The following STAG2 variants were observed in gnomAD, a reference collection of about 807,000 sequenced individuals.
STAG2 encodes cohesin subunit SA-2.
Under a neutral mutation model 108.1 loss-of-function variants are expected in STAG2, and 14 were observed. The ratio of observed to expected loss-of-function variants is 0.13; its 90% CI spans 0.09 to 0.20. The LOEUF (loss-of-function observed/expected upper bound fraction) is 0.20, where lower values mean the gene tolerates loss of function less well. Among genes scored for constraint, STAG2 ranks in the 10% least tolerant of loss-of-function variants. The pLI, the probability that STAG2 is intolerant of heterozygous loss-of-function variation, is 1.00. For missense variants in STAG2, 440 were observed against 940.9 expected, an observed-to-expected ratio of 0.47 and a Z score of 6.96; for synonymous variants, 307 against 302.7, an observed-to-expected ratio of 1.01 and a Z score of -0.15.
At chrX:124,100,345 TTAATTA>T (rs1355114461) in intron 34 of STAG2, among the ~76,000 whole-genome samples, 1 of 111,455 alleles carries the variant, frequency 9.0e-6, no homozygotes, top group Non-Finnish European at 1.9e-5. Flanking sequence ...GGTTCCTACT[TTAATTA>T]TATGTGAGGT....
chrX:123,969,131 A>G (rs1178950066), intron 1 of STAG2, among the ~76,000 whole-genome samples: 1 of 112,108 alleles, frequency 8.9e-6, no homozygotes, highest in Non-Finnish European at 1.9e-5. Flanking sequence ...TTGCTGCCTG[A>G]GGTCTATATT....
intron 30 of STAG2, among the ~76,000 whole-genome samples, chrX:124,089,888 C>T (rs999844524): frequency 6.3e-5 from 7 of 110,237 alleles, no homozygotes; most frequent in Middle Eastern, 4.8e-3. Flanking sequence ...CGACTGGGTG[C>T]GATGTCTCAC....
chrX:124,033,765 AAAAC>A (rs2057419997), intron 5 of STAG2, among the ~76,000 whole-genome samples: 1 of 111,545 alleles, frequency 9.0e-6, no homozygotes, highest in Non-Finnish European at 1.9e-5. Context: ...CCTGTCTAAA[AAAAC>A]AAACAAAAAC....
chrX:123,986,203 ATG>A (rs2055184977), intron 1 of STAG2, among the ~76,000 whole-genome samples: 1 of 107,139 alleles, frequency 9.3e-6, no homozygotes, highest in African/African-American at 3.4e-5. Flanking sequence ...ATATGTATAT[ATG>A]TGTGTATATA....
At chrX:123,981,513 G>A (rs980194197) in intron 1 of STAG2, among the ~76,000 whole-genome samples, 9 of 111,546 alleles carry the variant, frequency 8.1e-5, no homozygotes, top group African/African-American at 2.9e-4. Context: ...ATATTCCATT[G>A]TATGTATATA....
chrX:124,062,775 A>G (rs2058421317), intron 17 of STAG2, 127 bp from the exon 18 acceptor site: 1 of 464,662 alleles, frequency 2.2e-6, no homozygotes, highest in African/African-American at 2.5e-5. Context: ...AATGTTTTAT[A>G]GTGAAATTTT....
At chrX:123,995,864 T>C (rs1023496832) in intron 1 of STAG2, among the ~76,000 whole-genome samples, 18 of 112,196 alleles carry the variant, frequency 1.6e-4, no homozygotes, top group Admixed American at 1.3e-3. Flanking sequence ...GTTCAGATAG[T>C]GATTAATACT....
At chrX:123,969,723 G>T (rs1177392411) in intron 1 of STAG2, among the ~76,000 whole-genome samples, 2 of 109,339 alleles carry the variant, frequency 1.8e-5, no homozygotes, top group African/African-American at 6.6e-5. Flanking sequence ...TTGGCTCACT[G>T]CAACCTCCGC....
intron 1 of STAG2, among the ~76,000 whole-genome samples, chrX:124,019,052 CTTTTT>C (rs751161706): frequency 1.3e-5 from 1 of 79,900 alleles, no homozygotes; most frequent in Non-Finnish European, 2.3e-5. Context: ...ATTTAGCACT[CTTTTT>C]TTTTTTTTTT....
chrX:124,076,319 A>G lies in STAG2; in HGVS notation c.2534-13A>G. ...AAATACAAGATGCTTAATGTTTGGG[A>G]CTTTTTCTCCAGATGGTCAGCAAGA... is the stretch of plus-strand genomic sequence containing the variant. On this transcript the variant is annotated splice_polypyrimidine_tract_variant and intron_variant, in intron 25 of 34. Coordinates refer to ENST00000371145, the MANE Select transcript of STAG2 (RefSeq NM_001042750.2). 8.3e-7 allele frequency: 1 copy of G among 1,207,198 alleles called. No homozygotes were observed. Among genetic ancestry groups the G allele is most frequent in the South Asian group, 1.8e-5 (1 of 56,238 alleles).
At chrX:124,053,976 CAT>C (rs1400849988) in intron 13 of STAG2, among the ~76,000 whole-genome samples, 1 of 112,161 alleles carries the variant, frequency 8.9e-6, no homozygotes, top group Non-Finnish European at 1.9e-5. Flanking sequence ...CACTTACAAA[CAT>C]ATATATTAAA....
Position 124,102,260 on chromosome X carries a change from G to GA in STAG2, c.*1665dup. On this transcript the variant is annotated 3_prime_UTR_variant, in exon 35 of 35. Coordinates refer to ENST00000371145, the MANE Select transcript of STAG2 (RefSeq NM_001042750.2). ...GTTTTACACACCACTGCATTAACTA[G>GA]AACTGCTGAGAGGACTGTATATATG... is the stretch of plus-strand genomic sequence containing the variant. 6.3e-6 allele frequency: 1 copy of GA among 158,368 alleles called. No individual in the cohort carries two copies. Among genetic ancestry groups the GA allele is most frequent in the South Asian group, 3.2e-4 (1 of 3,112 alleles). The allele number at this position is 158,368 out of a possible 1,213,427, so 13.1% of individuals were successfully genotyped here.
chrX:124,039,692 G>C (rs2057646126), intron 6 of STAG2, among the ~76,000 whole-genome samples: 2 of 93,322 alleles, frequency 2.1e-5, no homozygotes, highest in African/African-American at 8.2e-5. Context: ...GTCTTTCTCT[G>C]TTGCCCAGGC....
intron 3 of STAG2, 37 bp from the exon 4 acceptor site, chrX:124,025,803 C>G: frequency 3.0e-6 from 3 of 1,000,614 alleles, no homozygotes; most frequent in Non-Finnish European, 4.1e-6. Flanking sequence ...ATATAAATTT[C>G]TAAGGAAGGG....
intron 5 of STAG2, among the ~76,000 whole-genome samples, chrX:124,031,563 T>TG (rs2057339638): frequency 1.9e-5 from 2 of 104,989 alleles, no homozygotes; most frequent in South Asian, 8.7e-4. Flanking sequence ...TTTTTTTGTT[T>TG]TTTTGTTTTT....
chrX:123,973,434 C>T (rs1430205280), intron 1 of STAG2, among the ~76,000 whole-genome samples: 2 of 102,727 alleles, frequency 1.9e-5, no homozygotes, highest in African/African-American at 3.6e-5. Flanking sequence ...CCCAGCTACT[C>T]GGGTGGCTGA....
At chrX:124,066,478 A>G in intron 23 of STAG2, 42 bp downstream of exon 23, 1 of 988,731 alleles carries the variant, frequency 1.0e-6, no homozygotes, top group Non-Finnish European at 1.4e-6. Context: ...ACTAAATATC[A>G]TTAACTGTTT....
At chrX:124,006,218 C>T (rs1237219984) in intron 1 of STAG2, among the ~76,000 whole-genome samples, 1 of 110,847 alleles carries the variant, frequency 9.0e-6, no homozygotes, top group Non-Finnish European at 1.9e-5. Flanking sequence ...AACAAAGGTC[C>T]TATGGATGTT....
chrX:124,005,367 T>A (rs746417882), intron 1 of STAG2, among the ~76,000 whole-genome samples: 2 of 111,558 alleles, frequency 1.8e-5, no homozygotes, highest in South Asian at 7.4e-4. Context: ...GTGTAAGCAC[T>A]ACCACCACCA....
Sources: gnomAD v4.1 joint callset for allele counts (sites outside exome capture counted in the v4.1 genomes callset) on GRCh38, gnomAD v4.1.1 for gene constraint, MANE v1.5 for transcripts, NCBI Gene and HGNC (gene_info 2026-07-23, HGNC 2026-07-21) for gene names.